CPVL: variants seen among roughly 807,000 people sequenced by gnomAD.
CPVL encodes the protein probable serine carboxypeptidase CPVL.
CPVL carries 51 observed loss-of-function variants against 63.7 expected under a neutral mutation model. The ratio of observed to expected loss-of-function variants is 0.80; its 90% CI spans 0.64 to 1.01. The LOEUF is 1.01. Ranked by LOEUF, CPVL falls within the 50% of genes least tolerant of loss-of-function variation. The pLI is 0.00. For missense variants in CPVL, 530 were observed against 573.1 expected (o/e 0.92, Z 0.77); for synonymous variants, 195 against 206.0 (o/e 0.95, Z 0.46).
chr7:29,032,368 C>A (rs1430678839), intron 11 of CPVL, among the ~76,000 whole-genome samples: 1 of 152,106 alleles, frequency 6.6e-6, no homozygotes, highest in Non-Finnish European at 1.5e-5. Flanking sequence ...ACCATCACCA[C>A]CCCCACTCTC....
chr7:29,042,439 C>T (rs1052009006), intron 11 of CPVL, among the ~76,000 whole-genome samples: 1 of 151,896 alleles, frequency 6.6e-6, no homozygotes, highest in South Asian at 2.1e-4. Flanking sequence ...CCTCTCTCTA[C>T]AAAAAAGTTA....
intron 11 of CPVL, among the ~76,000 whole-genome samples, chr7:29,057,589 G>C (rs982404335): frequency 1.3e-5 from 2 of 152,124 alleles, no homozygotes; most frequent in African/African-American, 4.8e-5. Flanking sequence ...AGGTCATTTA[G>C]ATTTTCTCCT....
chr7:29,015,127 C>T (rs75604633), intron 12 of CPVL, among the ~76,000 whole-genome samples: 2 of 152,302 alleles, frequency 1.3e-5, no homozygotes, highest in South Asian at 2.1e-4. Context: ...AAGCTGTGGT[C>T]GTTACTGCTT....
At chr7:29,111,992 A>G (rs1788280787) in intron 3 of CPVL, among the ~76,000 whole-genome samples, 1 of 152,208 alleles carries the variant, frequency 6.6e-6, no homozygotes, top group Non-Finnish European at 1.5e-5. Context: ...AGCACCTCTA[A>G]GCTAAAAATG....
chr7:29,102,651 C>A (rs1002431565), intron 3 of CPVL, among the ~76,000 whole-genome samples: 1 of 152,106 alleles, frequency 6.6e-6, no homozygotes, highest in African/African-American at 2.4e-5. Context: ...AGAAGAGGGT[C>A]GGCCCGCGGG....
chr7:29,035,062 A>T (rs1231715720), intron 11 of CPVL, among the ~76,000 whole-genome samples: 2 of 150,450 alleles, frequency 1.3e-5, no homozygotes, highest in African/African-American at 5.0e-5. Context: ...TTTCCAAGAG[A>T]CGGCATTTGG....
intron 11 of CPVL, among the ~76,000 whole-genome samples, chr7:29,042,448 T>TA (rs1207755295): frequency 3.3e-5 from 5 of 151,738 alleles, no homozygotes; most frequent in African/African-American, 4.8e-5. Context: ...ACAAAAAAGT[T>TA]AAAAAAATCA....
chr7:29,043,650 G>A (rs1047687212), intron 11 of CPVL, among the ~76,000 whole-genome samples: 3 of 152,136 alleles, frequency 2.0e-5, no homozygotes, highest in Admixed American at 6.5e-5. Flanking sequence ...GTGCTGCTGC[G>A]TTGATCATTA....
chr7:29,108,219 G>A (rs1787913564), intron 3 of CPVL, among the ~76,000 whole-genome samples: 1 of 152,174 alleles, frequency 6.6e-6, no homozygotes, highest in African/African-American at 2.4e-5. Flanking sequence ...TCCGTGAAGG[G>A]GCCTAGGCCT....
intron 11 of CPVL, among the ~76,000 whole-genome samples, chr7:29,049,631 T>C (rs1294613434): frequency 6.6e-6 from 1 of 152,030 alleles, no homozygotes; most frequent in Non-Finnish European, 1.5e-5. Context: ...TTCCACGACA[T>C]AGAGAAAGAG....
chr7:29,037,568 A>G (rs573930705), intron 11 of CPVL, among the ~76,000 whole-genome samples: 15 of 141,662 alleles, frequency 1.1e-4, no homozygotes, highest in Non-Finnish European at 1.8e-4. Flanking sequence ...AAAAAAAAAA[A>G]AAAAGAAAAG....
chr7:29,073,950 G>A (rs980100070), intron 7 of CPVL, among the ~76,000 whole-genome samples: 2 of 152,210 alleles, frequency 1.3e-5, no homozygotes, highest in Non-Finnish European at 2.9e-5. Context: ...GTGGATACCT[G>A]TGAGTTCACA....
intron 12 of CPVL, among the ~76,000 whole-genome samples, chr7:29,004,646 A>G (rs1041763290): frequency 1.3e-5 from 2 of 152,220 alleles, no homozygotes; most frequent in African/African-American, 2.4e-5. Flanking sequence ...TGACTTTGGC[A>G]TAATGACTTA....
intron 5 of CPVL, among the ~76,000 whole-genome samples, chr7:29,094,083 A>G (rs1786136120): frequency 5.3e-5 from 8 of 152,264 alleles, no homozygotes; most frequent in Admixed American, 5.2e-4. Context: ...GCTCATGCCT[A>G]TAATCCCAGC....
chr7:29,063,123 C>T (rs1278080907), intron 11 of CPVL, among the ~76,000 whole-genome samples: 5 of 152,132 alleles, frequency 3.3e-5, no homozygotes, highest in African/African-American at 1.2e-4. Flanking sequence ...GTTCCAGGGC[C>T]CATGTCTTCT....
At chr7:29,079,390 G>T (rs1784494331) in intron 7 of CPVL, among the ~76,000 whole-genome samples, 1 of 152,174 alleles carries the variant, frequency 6.6e-6, no homozygotes, top group African/African-American at 2.4e-5. Context: ...GACTGCTTAG[G>T]TTCCAATGCT....
intron 11 of CPVL, among the ~76,000 whole-genome samples, chr7:29,056,155 G>GT (rs1191420897): frequency 6.6e-6 from 1 of 152,162 alleles, no homozygotes; most frequent in African/African-American, 2.4e-5. Context: ...CCACAGCGAT[G>GT]TATTTGTTAC....
rs189152953 is a variant in CPVL, at chr7:29,063,926, A to G, written c.1137+135T>C. 3.7e-5 allele frequency: 23 copies of G among 621,500 alleles called. 1 individual carries two copies. The Admixed American group carries it at 6.0e-4, about 16-fold the overall frequency. The allele number at this position is 621,500 out of a possible 1,614,324, so 38.5% of individuals were successfully genotyped here. On this transcript the variant is annotated intron_variant, in intron 11 of 12. Coordinates refer to ENST00000265394, the MANE Select transcript of CPVL (RefSeq NM_031311.5). ...AACTTTGAATTGGAATCAAACAAAGAAAGGGGCTGTTATTTATGCTAATGA... is the reference window on the plus strand; with the variant it reads ...AACTTTGAATTGGAATCAAACAAAGGAAGGGGCTGTTATTTATGCTAATGA...
intron 1 of CPVL, among the ~76,000 whole-genome samples, chr7:29,135,014 G>A (rs1266262002): frequency 3.3e-5 from 5 of 150,720 alleles, no homozygotes; most frequent in African/African-American, 1.2e-4. Flanking sequence ...GAAGTGGGAG[G>A]ATCACTTGGG....
Sources: allele counts gnomAD v4.1 joint callset (sites outside exome capture counted in the v4.1 genomes callset), GRCh38; gene constraint gnomAD v4.1.1; transcripts MANE v1.5; gene names NCBI Gene and HGNC (gene_info 2026-07-23, HGNC 2026-07-21).